Variants in HCRTR2 observed in about 807,000 individuals in gnomAD.
HCRTR2 encodes the protein hypocretin receptor 2.
Under a neutral mutation model 49.0 loss-of-function variants are expected in HCRTR2, and 22 were observed. That is an observed-to-expected ratio of 0.45 (90% CI 0.32 to 0.64). HCRTR2 has a LOEUF of 0.64. Among genes scored for constraint, HCRTR2 ranks in the 30% least tolerant of loss-of-function variants. The pLI, the probability that HCRTR2 is intolerant of heterozygous loss-of-function variation, is 0.04. For missense variants in HCRTR2, 491 were observed against 559.4 expected (o/e 0.88, Z 1.23); for synonymous variants, 236 against 205.3 (o/e 1.15, Z -1.28).
intron 1 of HCRTR2, among the ~76,000 whole-genome samples, chr6:55,221,728 G>A (rs1765900445): frequency 6.6e-6 from 1 of 151,758 alleles, no homozygotes; most frequent in African/African-American, 2.4e-5. Context: ...CAGGAGAATG[G>A]CGTGAACCTC....
intron 5 of HCRTR2, among the ~76,000 whole-genome samples, chr6:55,278,728 A>G (rs1346382618): frequency 1.1e-5 from 1 of 93,236 alleles, no homozygotes; most frequent in Admixed American, 1.1e-4. Flanking sequence ...CTTCTTATTA[A>G]TTATTATTAT....
At chr6:55,267,509 C>A (rs1012302622) in intron 4 of HCRTR2, among the ~76,000 whole-genome samples, 2 of 146,270 alleles carry the variant, frequency 1.4e-5, no homozygotes, top group African/African-American at 5.1e-5. Flanking sequence ...TTGACTCTTT[C>A]ATTTATCTGT....
Position 55,248,942 on chromosome 6 carries a change from A to C in HCRTR2, c.402+125A>C, listed in dbSNP as rs1216345641. On this transcript the variant is annotated intron_variant, in intron 2 of 6. Coordinates refer to ENST00000370862, the MANE Select transcript of HCRTR2 (RefSeq NM_001384272.1). ...GCCTAAGGCATTGACAAACTGAAGG[A>C]AAATAATACTTGAGAATTTCTGGAG... The C allele has an allele frequency of 5.0e-6, 4 of 803,766 alleles. No individual in the cohort carries two copies. In the African/African-American group the frequency reaches 6.9e-5, roughly 14 times the overall value. The allele number at this position is 803,766 out of a possible 1,614,324, so 49.8% of individuals were successfully genotyped here.
At chr6:55,163,380 A>G (rs952204028) in intron 1 of HCRTR2, among the ~76,000 whole-genome samples, 12 of 152,230 alleles carry the variant, frequency 7.9e-5, no homozygotes, top group African/African-American at 2.7e-4. Context: ...AAATTATGCT[A>G]CAAGGCTACA....
chr6:55,224,626 T>TAAA (rs112507038), intron 1 of HCRTR2, among the ~76,000 whole-genome samples: 27 of 142,420 alleles, frequency 1.9e-4, no homozygotes, highest in African/African-American at 6.0e-4. Context: ...CCGTCTCAGT[T>TAAA]AAAAAAAAAA....
chr6:55,224,343 T>G (rs888642576), intron 1 of HCRTR2, among the ~76,000 whole-genome samples: 1 of 151,812 alleles, frequency 6.6e-6, no homozygotes, highest in Non-Finnish European at 1.5e-5. Context: ...ATGGGCTGGG[T>G]GCGGTGGCTC....
chr6:55,234,846 A>G (rs1300915702), intron 1 of HCRTR2, among the ~76,000 whole-genome samples: 2 of 152,168 alleles, frequency 1.3e-5, no homozygotes, highest in African/African-American at 4.8e-5. Context: ...ACTGTTAGAT[A>G]TATAACTAAC....
At chr6:55,133,868 A>C (rs867093695) in intron 1 of HCRTR2, among the ~76,000 whole-genome samples, 12 of 151,954 alleles carry the variant, frequency 7.9e-5, no homozygotes, top group Middle Eastern at 3.4e-3. Flanking sequence ...TTCTTTTATA[A>C]AAAATTTCTT....
At chr6:55,182,774 T>G (rs552420543) in intron 1 of HCRTR2, among the ~76,000 whole-genome samples, 1 of 152,372 alleles carries the variant, frequency 6.6e-6, no homozygotes, top group African/African-American at 2.4e-5. Context: ...ATACTGGCTC[T>G]TAACCACCTT....
At chr6:55,142,028 T>A (rs1193408373) in intron 1 of HCRTR2, among the ~76,000 whole-genome samples, 1 of 152,060 alleles carries the variant, frequency 6.6e-6, no homozygotes, top group Non-Finnish European at 1.5e-5. Flanking sequence ...TTAAATGTGG[T>A]TAATTAAATA....
At chr6:55,211,535 T>A (rs1765696601) in intron 1 of HCRTR2, among the ~76,000 whole-genome samples, 2 of 152,150 alleles carry the variant, frequency 1.3e-5, no homozygotes, top group Admixed American at 1.3e-4. Context: ...ACTTGAGGGG[T>A]TATATGCTAC....
intron 1 of HCRTR2, among the ~76,000 whole-genome samples, chr6:55,117,154 A>T (rs1234535689): frequency 2.0e-5 from 3 of 151,856 alleles, no homozygotes; most frequent in African/African-American, 7.2e-5. Flanking sequence ...CATATTGTAA[A>T]AATGTCAAAG....
intron 2 of HCRTR2, among the ~76,000 whole-genome samples, chr6:55,249,772 T>G (rs1271832046): frequency 6.6e-6 from 1 of 152,118 alleles, no homozygotes. Flanking sequence ...CATCAGATAA[T>G]GTTCACATTC....
chr6:55,171,955 G>A (rs1388354304), upstream of HCRTR2, among the ~76,000 whole-genome samples: 1 of 152,128 alleles, frequency 6.6e-6, no homozygotes, highest in South Asian at 2.1e-4. Context: ...AACTTAAGTT[G>A]CAACAACCTT....
chr6:55,106,600 A>T (rs1018775223), intron 1 of HCRTR2: 1 of 152,096 alleles, frequency 6.6e-6, no homozygotes, highest in Admixed American at 6.6e-5. Context: ...AAGTCAATTC[A>T]ATAAATATTT....
At chr6:55,187,283 T>G (rs1765232873) in intron 1 of HCRTR2, among the ~76,000 whole-genome samples, 3 of 151,518 alleles carry the variant, frequency 2.0e-5, no homozygotes, top group Non-Finnish European at 4.4e-5. Context: ...CTTGGTGGCA[T>G]GCGCCTGTAG....
At chr6:55,152,671 G>A (rs1764679292) in intron 1 of HCRTR2, among the ~76,000 whole-genome samples, 1 of 151,920 alleles carries the variant, frequency 6.6e-6, no homozygotes, top group Non-Finnish European at 1.5e-5. Flanking sequence ...TCATCTGGTA[G>A]AAAGAGGGCA....
chr6:55,207,619 A>G (rs1375830418), intron 1 of HCRTR2, among the ~76,000 whole-genome samples: 1 of 152,208 alleles, frequency 6.6e-6, no homozygotes, highest in Admixed American at 6.5e-5. Flanking sequence ...AATAGGGAAG[A>G]ACCAAAAATT....
rs527805508 is a variant in HCRTR2 at position 55,222,512 on chromosome 6, A to G, written c.224-26127A>G. Among the ~76,000 whole-genome samples, 166 of 152,326 alleles carry G rather than the reference A, an allele frequency of 1.1e-3. 1 individual carries two copies. Among genetic ancestry groups the G allele is most frequent in the African/African-American group, 3.8e-3 (160 of 41,572 alleles). On this transcript the variant is annotated intron_variant, in intron 1 of 6. Transcript: ENST00000370862. Reference sequence around the variant, plus strand: ...CATGTTTATTGTAGCCTTATTTACAATAGTCAAGAGGTGGAAACAAATGAA... The same window carrying G: ...CATGTTTATTGTAGCCTTATTTACAGTAGTCAAGAGGTGGAAACAAATGAA...
Sources: allele counts gnomAD v4.1 joint callset (sites outside exome capture counted in the v4.1 genomes callset), GRCh38; gene constraint gnomAD v4.1.1; transcripts MANE v1.5; gene names NCBI Gene and HGNC (gene_info 2026-07-23, HGNC 2026-07-21).